LGSN: variants seen among roughly 807,000 people sequenced by gnomAD.
The protein encoded by LGSN is lengsin, lens protein with glutamine synthetase domain, also known as lengsin.
LGSN carries 21 observed loss-of-function variants against 19.5 expected under a neutral mutation model. That is an observed-to-expected ratio of 1.07 (90% confidence interval 0.76 to 1.55). The LOEUF is 1.55. LGSN is among the 40% of genes most tolerant of loss of function. LGSN has a pLI of 0.00. For synonymous variants in LGSN, 257 were observed against 215.6 expected (o/e 1.19, Z -1.68); for missense variants, 673 against 608.5 (o/e 1.11, Z -1.12).
the LGSN span, chr6:63,480,112 G>A: frequency 5.1e-6 from 1 of 195,918 alleles, no homozygotes. Context: ...CTGCTACCCA[G>A]CTCTCAGATG....
the LGSN span, among the ~76,000 whole-genome samples, chr6:63,556,327 T>A: frequency 1.3e-5 from 2 of 152,040 alleles, no homozygotes; most frequent in East Asian, 1.9e-4. Context: ...CTTGGTTTTT[T>A]TTTTTCTTGC....
At chr6:63,405,258 A>G in the LGSN span, among the ~76,000 whole-genome samples, 3 of 151,982 alleles carry the variant, frequency 2.0e-5, no homozygotes, top group Non-Finnish European at 4.4e-5. Flanking sequence ...TAGTGCCACA[A>G]TAAACATACG....
chr6:63,295,734 G>C (rs1330040701), intron 1 of LGSN, among the ~76,000 whole-genome samples: 1 of 152,108 alleles, frequency 6.6e-6, no homozygotes, highest in Non-Finnish European at 1.5e-5. Flanking sequence ...GCCCAGCAGG[G>C]AGCTAGGCAG....
the LGSN span, among the ~76,000 whole-genome samples, chr6:63,423,112 C>A: frequency 1.3e-5 from 2 of 152,094 alleles, no homozygotes; most frequent in Non-Finnish European, 2.9e-5. Flanking sequence ...TTTGGGAGGT[C>A]AAGATGGGAG....
chr6:63,417,659 T>C, the LGSN span, among the ~76,000 whole-genome samples: 2 of 152,302 alleles, frequency 1.3e-5, no homozygotes, highest in African/African-American at 4.8e-5. Flanking sequence ...CCAAGATTGC[T>C]TTAAAATAAA....
the LGSN span, among the ~76,000 whole-genome samples, chr6:63,486,752 A>G: frequency 1.2e-3 from 149 of 125,674 alleles, 1 homozygote; most frequent in African/African-American, 4.5e-3. Context: ...TGGTGTGATT[A>G]TGGCTCACTG....
chr6:63,522,184 A>G, the LGSN span, among the ~76,000 whole-genome samples: 1 of 152,202 alleles, frequency 6.6e-6, no homozygotes, highest in Non-Finnish European at 1.5e-5. Flanking sequence ...TTCTGATTTT[A>G]TGGAATGTCA....
chr6:63,291,838 G>A (rs1020116601), intron 2 of LGSN, among the ~76,000 whole-genome samples: 1 of 152,100 alleles, frequency 6.6e-6, no homozygotes, highest in Non-Finnish European at 1.5e-5. Context: ...AAATTGCATG[G>A]CAAAAGGGAC....
At chr6:63,572,281 C>T in the LGSN span, 6 of 193,156 alleles carry the variant, frequency 3.1e-5, no homozygotes, top group Non-Finnish European at 6.3e-5. Flanking sequence ...CCTCCCCCGC[C>T]CCGGGGATGC....
At chr6:63,491,943 C>T in the LGSN span, among the ~76,000 whole-genome samples, 14 of 151,732 alleles carry the variant, frequency 9.2e-5, no homozygotes, top group Non-Finnish European at 1.2e-4. Context: ...GCAGGAGAAT[C>T]GCTTGAACCC....
chr6:63,283,305 T>C (rs1430137516), intron 3 of LGSN, among the ~76,000 whole-genome samples: 1 of 152,130 alleles, frequency 6.6e-6, no homozygotes, highest in Non-Finnish European at 1.5e-5. Flanking sequence ...TGGAACAACT[T>C]CATCTTCAAT....
chr6:63,362,731 A>G, the LGSN span, among the ~76,000 whole-genome samples: 1 of 152,242 alleles, frequency 6.6e-6, no homozygotes, highest in African/African-American at 2.4e-5. Flanking sequence ...ACCGCAGTTC[A>G]AGGAGGCCTG....
At chr6:63,365,410 A>G in the LGSN span, among the ~76,000 whole-genome samples, 1 of 152,140 alleles carries the variant, frequency 6.6e-6, no homozygotes, top group Non-Finnish European at 1.5e-5. Flanking sequence ...CCCTAAATAG[A>G]CCAATAACAG....
the LGSN span, among the ~76,000 whole-genome samples, chr6:63,539,864 T>A: frequency 6.6e-6 from 1 of 152,110 alleles, no homozygotes; most frequent in African/African-American, 2.4e-5. Context: ...AACTTAATAA[T>A]CAGAGGTATA....
the LGSN span, among the ~76,000 whole-genome samples, chr6:63,552,940 G>T: frequency 1.3e-5 from 2 of 152,144 alleles, no homozygotes; most frequent in Non-Finnish European, 2.9e-5. Flanking sequence ...AGTATAGTTT[G>T]AAGTCCGTTC....
chr6:63,463,328 A>G, the LGSN span, among the ~76,000 whole-genome samples: 1 of 152,170 alleles, frequency 6.6e-6, no homozygotes, highest in Non-Finnish European at 1.5e-5. Flanking sequence ...ATTATTTAAA[A>G]GAATGTTTTA....
the LGSN span, among the ~76,000 whole-genome samples, chr6:63,526,837 T>TATATATATATATATA: frequency 3.2e-4 from 28 of 87,674 alleles, no homozygotes; most frequent in African/African-American, 9.3e-4. Context: ...ATATATATAT[T>TATATATATATATATA]TATTTATTTA....
chr6:63,557,787 G>A, the LGSN span, among the ~76,000 whole-genome samples: 6 of 152,102 alleles, frequency 3.9e-5, no homozygotes, highest in African/African-American at 7.2e-5. Flanking sequence ...AATATCTTGC[G>A]AAAGAGTTTG....
At chr6:63,516,272 G>C in the LGSN span, among the ~76,000 whole-genome samples, 1 of 152,134 alleles carries the variant, frequency 6.6e-6, no homozygotes. Context: ...AAAAGTAAAG[G>C]CTTCATTGCA....
Sources: allele counts gnomAD v4.1 joint callset (sites outside exome capture counted in the v4.1 genomes callset), GRCh38; gene constraint gnomAD v4.1.1; transcripts MANE v1.5; gene names NCBI Gene and HGNC (gene_info 2026-07-23, HGNC 2026-07-21).